Variants in NSMCE2 observed in about 807,000 individuals in gnomAD.
NSMCE2 encodes the protein E3 SUMO-protein ligase NSE2.
A neutral mutation model predicts 23.8 loss-of-function variants in NSMCE2; 24 were observed. That is an observed-to-expected ratio of 1.01 (90% CI 0.73 to 1.42). The LOEUF (loss-of-function observed/expected upper bound fraction) is 1.42. NSMCE2 is among the 40% of genes most tolerant of loss of function. The pLI is 0.00. For missense variants in NSMCE2, 284 were observed against 296.5 expected (o/e 0.96, Z 0.31); for synonymous variants, 92 against 94.1 (o/e 0.98, Z 0.13).
At chr8:125,213,245 A>G (rs950058623) in intron 5 of NSMCE2, among the ~76,000 whole-genome samples, 2 of 152,144 alleles carry the variant, frequency 1.3e-5, no homozygotes, top group African/African-American at 4.8e-5. Flanking sequence ...GAATCGTGCC[A>G]TTGGAAAATG....
At chr8:125,316,654 CTTT>C (rs1354160614) in intron 5 of NSMCE2, among the ~76,000 whole-genome samples, 1 of 128,108 alleles carries the variant, frequency 7.8e-6, no homozygotes, top group Non-Finnish European at 1.7e-5. Flanking sequence ...TTCTTTCCTT[CTTT>C]CCTTCCTTCC....
intron 5 of NSMCE2, among the ~76,000 whole-genome samples, chr8:125,273,539 C>G (rs886320745): frequency 7.9e-5 from 12 of 152,190 alleles, no homozygotes; most frequent in Non-Finnish European, 1.5e-5. Flanking sequence ...CCTACAGCGT[C>G]CTAAATTTGA....
At chr8:125,248,078 A>G (rs1026898096) in intron 5 of NSMCE2, among the ~76,000 whole-genome samples, 28 of 152,240 alleles carry the variant, frequency 1.8e-4, no homozygotes, top group African/African-American at 6.5e-4. Flanking sequence ...TAATAACTAT[A>G]TGTTAAATCT....
At chr8:125,359,037 C>T (rs984289699) in intron 7 of NSMCE2, among the ~76,000 whole-genome samples, 17 of 151,838 alleles carry the variant, frequency 1.1e-4, no homozygotes, top group African/African-American at 3.9e-4. Context: ...GAGGCCGAGG[C>T]GGGTGGATCA....
intron 5 of NSMCE2, among the ~76,000 whole-genome samples, chr8:125,309,936 A>G (rs892396546): frequency 1.3e-5 from 2 of 152,186 alleles, no homozygotes; most frequent in African/African-American, 4.8e-5. Flanking sequence ...TTAAGAAGGA[A>G]ATGTTAAAGC....
intron 5 of NSMCE2, among the ~76,000 whole-genome samples, chr8:125,346,185 G>C (rs1830431538): frequency 1.3e-5 from 2 of 152,112 alleles, no homozygotes; most frequent in Non-Finnish European, 2.9e-5. Context: ...CCATGTCTTA[G>C]AAAGATGACC....
At chr8:125,235,344 A>G (rs1825500226) in intron 5 of NSMCE2, among the ~76,000 whole-genome samples, 1 of 151,638 alleles carries the variant, frequency 6.6e-6, no homozygotes, top group African/African-American at 2.4e-5. Context: ...TTTGCCCTTG[A>G]GCATATATTT....
intron 1 of NSMCE2, among the ~76,000 whole-genome samples, chr8:125,092,217 T>G (rs1271212016): frequency 6.6e-6 from 1 of 152,206 alleles, no homozygotes; most frequent in East Asian, 1.9e-4. Context: ...ACTTTAAAAG[T>G]AAGGCCACGG....
At chr8:125,333,823 T>C (rs1829975652) in intron 5 of NSMCE2, among the ~76,000 whole-genome samples, 1 of 152,160 alleles carries the variant, frequency 6.6e-6, no homozygotes, top group Non-Finnish European at 1.5e-5. Flanking sequence ...TTCCTGGTGG[T>C]TCTGATACCA....
intron 4 of NSMCE2, 118 bp downstream of exon 4, chr8:125,151,395 G>T: frequency 1.9e-6 from 1 of 516,914 alleles, no homozygotes; most frequent in Non-Finnish European, 3.5e-6. Context: ...TAATGTAGCA[G>T]CTATTAAATT....
Position 125,243,908 on chromosome 8 carries a change from A to G in NSMCE2, c.418+61652A>G, listed in dbSNP as rs186609889. Among the ~76,000 whole-genome samples, 117 of 152,288 alleles carry G rather than the reference A, an allele frequency of 7.7e-4. No homozygotes were observed. The East Asian group carries it at 0.015, about 19-fold the overall frequency. ...CAGGAAGATCATCTTTGTCACTGAA[A>G]GACTCACAACATATCCCACTTCTGT... On this transcript the variant is annotated intron_variant, in intron 5 of 7. Coordinates refer to ENST00000287437, the MANE Select transcript of NSMCE2 (RefSeq NM_173685.4).
At chr8:125,346,689 C>T (rs1812770908) in intron 5 of NSMCE2, among the ~76,000 whole-genome samples, 1 of 152,112 alleles carries the variant, frequency 6.6e-6, no homozygotes, top group African/African-American at 2.4e-5. Flanking sequence ...TGCAGGTGCT[C>T]AGTTTGGGAG....
chr8:125,280,370 AAAT>A (rs572086070), intron 5 of NSMCE2, among the ~76,000 whole-genome samples: 339 of 152,336 alleles, frequency 2.2e-3, no homozygotes, highest in African/African-American at 7.7e-3. Flanking sequence ...TAAACTAATG[AAAT>A]GTCCTTTCTA....
chr8:125,233,660 A>G (rs1172997919), intron 5 of NSMCE2, among the ~76,000 whole-genome samples: 2 of 152,226 alleles, frequency 1.3e-5, no homozygotes, highest in Non-Finnish European at 2.9e-5. Flanking sequence ...GTATTAATAC[A>G]AGGAAGTTTA....
chr8:125,196,985 C>T (rs200167522), intron 5 of NSMCE2, among the ~76,000 whole-genome samples: 2 of 152,114 alleles, frequency 1.3e-5, no homozygotes, highest in Admixed American at 6.5e-5. Flanking sequence ...GTCTGTTGGC[C>T]GCATAAATGT....
intron 3 of NSMCE2, among the ~76,000 whole-genome samples, chr8:125,133,904 A>G (rs1367121448): frequency 6.6e-6 from 1 of 152,202 alleles, no homozygotes; most frequent in Non-Finnish European, 1.5e-5. Flanking sequence ...TTTTATCACT[A>G]ATCAGAATCA....
chr8:125,296,535 C>G (rs1828334269), intron 5 of NSMCE2, among the ~76,000 whole-genome samples: 1 of 151,762 alleles, frequency 6.6e-6, no homozygotes, highest in South Asian at 2.1e-4. Flanking sequence ...GCTGGGATTA[C>G]AGGCATGCAC....
At chr8:125,134,952 G>C (rs1306297128) in intron 3 of NSMCE2, among the ~76,000 whole-genome samples, 1 of 152,038 alleles carries the variant, frequency 6.6e-6, no homozygotes, top group Non-Finnish European at 1.5e-5. Context: ...CTGTCACTCA[G>C]GCTGGAGTGC....
chr8:125,183,341 A>G (rs1033219127), intron 5 of NSMCE2, among the ~76,000 whole-genome samples: 2 of 152,184 alleles, frequency 1.3e-5, no homozygotes, highest in Non-Finnish European at 2.9e-5. Context: ...TGCAATCATG[A>G]TGAGACTTTT....
Sources: allele counts gnomAD v4.1 joint callset (sites outside exome capture counted in the v4.1 genomes callset), GRCh38; gene constraint gnomAD v4.1.1; transcripts MANE v1.5; gene names NCBI Gene and HGNC (gene_info 2026-07-23, HGNC 2026-07-21).